Variants in NMT2 observed in about 807,000 individuals in gnomAD.
The protein encoded by NMT2 is glycylpeptide N-tetradecanoyltransferase 2.
NMT2 carries 35 observed loss-of-function variants against 65.4 expected under a neutral mutation model. That is an observed-to-expected ratio of 0.54 (90% CI 0.41 to 0.71). NMT2 has a LOEUF of 0.71. Ranked by LOEUF, NMT2 falls within the 30% of genes least tolerant of loss-of-function variation. The probability of loss-of-function intolerance (pLI) is 0.00; values close to 1 mark genes in which losing one functional copy is unlikely to be tolerated. For synonymous variants in NMT2, 226 were observed against 231.8 expected, an observed-to-expected ratio of 0.98 and a Z score of 0.23; for missense variants, 489 against 611.3, an observed-to-expected ratio of 0.80 and a Z score of 2.11.
At chr10:15,165,370 G>T (rs7910847) in intron 1 of NMT2, among the ~76,000 whole-genome samples, 27,375 of 151,972 alleles carry the variant, frequency 0.18, 3,072 homozygotes, top group African/African-American at 0.32. Flanking sequence ...TGCAAATCGT[G>T]TGTTAAAGTA....
At chr10:15,146,965 T>C (rs181605048) in intron 1 of NMT2, among the ~76,000 whole-genome samples, 1 of 151,888 alleles carries the variant, frequency 6.6e-6, no homozygotes, top group Admixed American at 6.6e-5. Context: ...TGGTGACATG[T>C]GCCTGTAGTC....
rs34668178 is a variant in NMT2 at position 15,147,095 on chromosome 10, C to CAAAAAA, written c.111-5544_111-5539dup. Among the ~76,000 whole-genome samples the CAAAAAA allele has an allele frequency of 1.3e-3, 56 of 44,512 alleles. 2 individuals carry two copies. The highest frequency in any genetic ancestry group is 2.2e-3 in the East Asian group (2 of 908). The allele number at this position is 44,512 out of a possible 152,430, so 29.2% of individuals were successfully genotyped here. ...CAACAGCGAAAGATCCTCTCGCTCT[C>CAAAAAA]AAAAAAAAAAAAAAAAAAAAAAAAA... On this transcript the variant is annotated intron_variant, in intron 1 of 11. Coordinates refer to ENST00000378165, the MANE Select transcript of NMT2 (RefSeq NM_004808.3).
chr10:15,130,123 AG>A lies in NMT2; in HGVS notation c.890+18del, dbSNP rs773336815. On this transcript the variant is annotated intron_variant, in intron 7 of 11. Coordinates refer to ENST00000378165, the MANE Select transcript of NMT2 (RefSeq NM_004808.3). ...TTTTGATAAAGGGAGGACCTGAGGT[AG>A]AAATATGGTACTGGTACCTGCATGT... 2 of 1,438,434 alleles carry A rather than the reference AG, an allele frequency of 1.4e-6. No homozygotes were observed. Among genetic ancestry groups the A allele is most frequent in the Non-Finnish European group, 1.8e-6 (2 of 1,086,866 alleles). 89.1% of individuals were successfully genotyped at this position (1,438,434 alleles called of 1,614,324 possible). A position where few individuals can be genotyped will look rare whatever the true frequency, so the allele number is the denominator to read the frequency against.
At chr10:15,127,256 A>C (rs536988055) in intron 8 of NMT2, among the ~76,000 whole-genome samples, 1 of 147,880 alleles carries the variant, frequency 6.8e-6, no homozygotes, top group Non-Finnish European at 1.5e-5. Context: ...AAATAAAAAA[A>C]ATAACTTTTC....
intron 1 of NMT2, among the ~76,000 whole-genome samples, chr10:15,159,441 C>A (rs1015322700): frequency 7.4e-6 from 1 of 135,174 alleles, no homozygotes; most frequent in African/African-American, 2.6e-5. Context: ...GACAGAGTCT[C>A]ACTGTCGCCC....
Position 15,109,077 on chromosome 10 carries a change from A to T in NMT2, c.*118T>A. 1 of 1,534,374 alleles carries T rather than the reference A, an allele frequency of 6.5e-7. No homozygotes were observed. The highest frequency in any genetic ancestry group is 8.7e-7 in the Non-Finnish European group (1 of 1,150,290). ...TGGACTTTTGTCATCTTTTCTGATT[A>T]TCGACTACTTCAATTTCACTTGAGT... On this transcript the variant is annotated 3_prime_UTR_variant, in exon 12 of 12. Coordinates refer to ENST00000378165, the MANE Select transcript of NMT2 (RefSeq NM_004808.3).
chr10:15,127,416 G>A (rs186417225), intron 8 of NMT2, among the ~76,000 whole-genome samples: 79 of 148,230 alleles, frequency 5.3e-4, no homozygotes, highest in African/African-American at 1.5e-3. Context: ...GCATGCTGGC[G>A]GGCGCCTATA....
In NMT2 at chr10:15,106,136, G is replaced by A; in HGVS notation, c.*3059C>T. ...AGCCTCCTGAATAGCTGGGATTACA[G>A]GTGCACACCCCCATGTCCGGCTAGT... On this transcript the variant is annotated 3_prime_UTR_variant, in exon 12 of 12. Coordinates refer to ENST00000378165, the MANE Select transcript of NMT2 (RefSeq NM_004808.3). 3.7e-6 allele frequency: 1 copy of A among 270,552 alleles called. No individual in the cohort carries two copies. 16.8% of individuals were successfully genotyped at this position (270,552 alleles called of 1,614,324 possible).
intron 1 of NMT2, among the ~76,000 whole-genome samples, chr10:15,153,604 T>C (rs1832879745): frequency 6.6e-6 from 1 of 152,182 alleles, no homozygotes; most frequent in African/African-American, 2.4e-5. Context: ...AACACGAAAA[T>C]GTCTCTAAGG....
At chr10:15,155,467 C>A in intron 1 of NMT2, 4 of 438,680 alleles carry the variant, frequency 9.1e-6, no homozygotes, top group Admixed American at 3.5e-5. Flanking sequence ...CTTCCGGGCT[C>A]AAGTGATCCT....
intron 6 of NMT2, 35 bp downstream of exon 6, chr10:15,132,782 A>T (rs1239354163): frequency 7.0e-7 from 1 of 1,424,848 alleles, no homozygotes; most frequent in South Asian, 1.2e-5. Context: ...GAAAATAAAC[A>T]TATAAAAACC....
chr10:15,167,591 T>C (rs1032328902), intron 1 of NMT2, among the ~76,000 whole-genome samples: 2 of 152,118 alleles, frequency 1.3e-5, no homozygotes, highest in African/African-American at 4.8e-5. Context: ...GGTAAAAGGG[T>C]AATGTAAACA....
Position 15,106,625 on chromosome 10 carries a change from GGTCTTT to G in NMT2, c.*2564_*2569del. On this transcript the variant is annotated 3_prime_UTR_variant, in exon 12 of 12. Coordinates refer to ENST00000378165, the MANE Select transcript of NMT2 (RefSeq NM_004808.3). The stretch of plus-strand genomic sequence containing the variant: ...CTCAGGGATGTCACAGCTGTGGGTT[GGTCTTT>G]AGAATCACGGCAACCTATAGAAAGG... The G allele has an allele frequency of 1.0e-6, 1 of 985,138 alleles. No individual in the cohort carries two copies. Among genetic ancestry groups the G allele is most frequent in the Non-Finnish European group, 1.2e-6 (1 of 829,720 alleles). The allele number at this position is 985,138 out of a possible 1,614,324, so 61.0% of individuals were successfully genotyped here.
At position 15,108,398 on chromosome 10, in the gene NMT2, A is replaced by G. The variant is rs535770542; in HGVS notation, c.*797T>C. ...GATGGGGTTTCACTATGTTGGCCAG[A>G]ATGGTCTCGATCTCCTGACCTCATG... On this transcript the variant is annotated 3_prime_UTR_variant, in exon 12 of 12. Coordinates refer to ENST00000378165, the MANE Select transcript of NMT2 (RefSeq NM_004808.3). The G allele has an allele frequency of 1.7e-4, 103 of 590,958 alleles. No individual in the cohort carries two copies. Among genetic ancestry groups the G allele is most frequent in the Admixed American group, 3.8e-4 (6 of 15,668 alleles). 36.6% of individuals were successfully genotyped at this position (590,958 alleles called of 1,614,324 possible). A position where few individuals can be genotyped will look rare whatever the true frequency, so the allele number is the denominator to read the frequency against.
At chr10:15,141,086 C>T (rs1486853794) in intron 2 of NMT2, 19 of 1,429,716 alleles carry the variant, frequency 1.3e-5, no homozygotes, top group East Asian at 9.9e-5. Context: ...ATCTTCTGAA[C>T]GAAAAGTAAT....
chr10:15,118,462 C>G (rs1345526059), intron 9 of NMT2, among the ~76,000 whole-genome samples: 1 of 152,146 alleles, frequency 6.6e-6, no homozygotes, highest in African/African-American at 2.4e-5. Context: ...TAGCTTGAAC[C>G]TGGGAGGTGG....
chr10:15,138,246 A>T, intron 2 of NMT2: 1 of 414,368 alleles, frequency 2.4e-6, no homozygotes. Context: ...CCTGACATCA[A>T]GTGATCTGCC....
chr10:15,127,546 CAAAAAAAAAA>C (rs1239422956), intron 8 of NMT2, among the ~76,000 whole-genome samples: 1 of 51,370 alleles, frequency 1.9e-5, no homozygotes, highest in Admixed American at 3.0e-4. Flanking sequence ...GACTCCGTCT[CAAAAAAAAAA>C]AAAAAAAAAA....
chr10:15,161,081 C>CA (rs750859200), intron 1 of NMT2, among the ~76,000 whole-genome samples: 1,145 of 19,256 alleles, frequency 0.059, 183 homozygotes, highest in East Asian at 0.087. Context: ...CCTCAAAAAT[C>CA]AAAAAAAAAA....
Sources: gnomAD v4.1 joint callset for allele counts (sites outside exome capture counted in the v4.1 genomes callset) on GRCh38, gnomAD v4.1.1 for gene constraint, MANE v1.5 for transcripts, NCBI Gene and HGNC (gene_info 2026-07-23, HGNC 2026-07-21) for gene names.